Variants in DAAM1 observed in about 807,000 individuals in gnomAD.
DAAM1 encodes the protein disheveled-associated activator of morphogenesis 1.
In DAAM1, 52 loss-of-function variants were observed where a neutral mutation model predicts 130.0. That is an observed-to-expected ratio of 0.40 (90% CI 0.32 to 0.50). The LOEUF (loss-of-function observed/expected upper bound fraction) is 0.50, where lower values mean the gene tolerates loss of function less well. DAAM1 is among the 20% of genes least tolerant of loss of function. The probability of loss-of-function intolerance (pLI) is 0.61; values close to 1 mark genes in which losing one functional copy is unlikely to be tolerated. For synonymous variants in DAAM1, 452 were observed against 444.5 expected (o/e 1.02, Z -0.21); for missense variants, 1,134 against 1,303.8 (o/e 0.87, Z 2.01).
At chr14:59,242,365 T>TAAC (rs1167340700) in intron 1 of DAAM1, among the ~76,000 whole-genome samples, 9 of 152,044 alleles carry the variant, frequency 5.9e-5, no homozygotes, top group East Asian at 5.8e-4. Context: ...ATAATAATAG[T>TAAC]AACAACAACA....
intron 21 of DAAM1, 37 bp downstream of exon 21, chr14:59,359,541 C>T: frequency 6.5e-7 from 1 of 1,531,872 alleles, no homozygotes; most frequent in Non-Finnish European, 9.0e-7. Flanking sequence ...TCTTAAATCA[C>T]TTGGATTGTG....
At chr14:59,292,742 C>T in intron 3 of DAAM1, among the ~76,000 whole-genome samples, 1 of 152,174 alleles carries the variant, frequency 6.6e-6, no homozygotes, top group East Asian at 1.9e-4. Flanking sequence ...AGCCTTAACC[C>T]CTCAGTATGA....
chr14:59,352,420 C>T, intron 17 of DAAM1, 106 bp from the exon 18 acceptor site: 2 of 795,070 alleles, frequency 2.5e-6, no homozygotes, highest in South Asian at 1.8e-5. Context: ...ATACACTCAA[C>T]AAGAGTTAAC....
intron 1 of DAAM1, among the ~76,000 whole-genome samples, chr14:59,237,095 C>G (rs187353300): frequency 1.3e-5 from 2 of 152,172 alleles, no homozygotes; most frequent in Non-Finnish European, 2.9e-5. Context: ...TTGCACACCC[C>G]TAGCATAGAG....
At position 59,339,943 on chromosome 14, in the gene DAAM1, C is replaced by G; in HGVS notation, c.1969-131C>G. On this transcript the variant is annotated intron_variant, in intron 15 of 24. Coordinates refer to ENST00000360909, the MANE Select transcript of DAAM1 (RefSeq NM_001270520.2). The stretch of plus-strand genomic sequence containing the variant: ...ATTCCATCATTCTCCACACTTCCCA[C>G]CATTTCAGCCTTGCCCATGTGTATA... The G allele has an allele frequency of 5.0e-6, 3 of 597,534 alleles. No homozygotes were observed. In the Admixed American group the frequency reaches 8.8e-5, roughly 18 times the overall value. 37.0% of individuals were successfully genotyped at this position (597,534 alleles called of 1,614,324 possible).
intron 3 of DAAM1, chr14:59,299,659 A>G (rs1313400871): frequency 2.0e-5 from 3 of 152,292 alleles, no homozygotes; most frequent in African/African-American, 7.2e-5. Context: ...AGGAGGTTCT[A>G]TTATAGATAA....
chr14:59,205,356 A>G (rs1276148268), intron 1 of DAAM1, among the ~76,000 whole-genome samples: 1 of 152,232 alleles, frequency 6.6e-6, no homozygotes, highest in Non-Finnish European at 1.5e-5. Flanking sequence ...CCAGATTCCT[A>G]TTATTGAGAA....
chr14:59,236,989 A>G (rs1286496846), intron 1 of DAAM1, among the ~76,000 whole-genome samples: 1 of 152,206 alleles, frequency 6.6e-6, no homozygotes, highest in East Asian at 1.9e-4. Context: ...AGCCACAGAC[A>G]ATATGTAAAC....
chr14:59,257,363 G>A (rs1434868845), intron 1 of DAAM1, among the ~76,000 whole-genome samples: 1 of 147,390 alleles, frequency 6.8e-6, no homozygotes, highest in East Asian at 2.0e-4. Context: ...ACAGTCTAGT[G>A]GGGGAAATGG....
intron 2 of DAAM1, chr14:59,265,624 G>A (rs1201913177): frequency 6.6e-6 from 1 of 152,252 alleles, no homozygotes; most frequent in African/African-American, 2.4e-5. Context: ...AATTGAAGGT[G>A]AGAAGAAAAG....
intron 22 of DAAM1, among the ~76,000 whole-genome samples, chr14:59,361,891 T>G (rs549637396): frequency 6.6e-6 from 1 of 152,344 alleles, no homozygotes; most frequent in South Asian, 2.1e-4. Flanking sequence ...TCCCTTCTTT[T>G]CGTTTTTGAA....
chr14:59,353,463 G>A (rs1886362868), intron 18 of DAAM1, among the ~76,000 whole-genome samples: 1 of 152,240 alleles, frequency 6.6e-6, no homozygotes, highest in Non-Finnish European at 1.5e-5. Flanking sequence ...GAATTTGGGA[G>A]AAGTGTACGG....
chr14:59,258,371 A>G (rs760229991), intron 1 of DAAM1, among the ~76,000 whole-genome samples: 2 of 152,176 alleles, frequency 1.3e-5, no homozygotes, highest in Non-Finnish European at 2.9e-5. Context: ...GGGCCAGTGC[A>G]GAGACCTCTT....
Position 59,369,809 on chromosome 14 carries a change from T to G in DAAM1, c.*950T>G, listed in dbSNP as rs1038163106. On this transcript the variant is annotated 3_prime_UTR_variant, in exon 25 of 25. Coordinates refer to ENST00000360909, the MANE Select transcript of DAAM1 (RefSeq NM_001270520.2). ...GGGTGCCTTTTTGTTATAGTTTCTATTTTCTGTTTTGTAGGACAAGCTGCA... is the reference window on the plus strand; with the variant it reads ...GGGTGCCTTTTTGTTATAGTTTCTAGTTTCTGTTTTGTAGGACAAGCTGCA... 2 of 150,776 alleles carry G rather than the reference T, an allele frequency of 1.3e-5. No individual in the cohort carries two copies. The highest frequency in any genetic ancestry group is 4.9e-5 in the African/African-American group (2 of 41,172). 9.3% of individuals were successfully genotyped at this position (150,776 alleles called of 1,614,324 possible).
intron 2 of DAAM1, among the ~76,000 whole-genome samples, chr14:59,282,462 T>C (rs962717838): frequency 6.6e-6 from 1 of 151,946 alleles, no homozygotes; most frequent in Non-Finnish European, 1.5e-5. Context: ...CAAGGTTACG[T>C]AAGCCATAAA....
chr14:59,353,997 T>A, intron 19 of DAAM1, 33 bp downstream of exon 19: 1 of 1,583,926 alleles, frequency 6.3e-7, no homozygotes, highest in Non-Finnish European at 8.7e-7. Context: ...GGAAATGATG[T>A]TCATCATTAC....
At chr14:59,364,331 T>G (rs1184460428) in intron 23 of DAAM1, among the ~76,000 whole-genome samples, 1 of 150,146 alleles carries the variant, frequency 6.7e-6, no homozygotes, top group Non-Finnish European at 1.5e-5. Flanking sequence ...TACAAGAGGT[T>G]TTTTTTTTTT....
At chr14:59,265,436 AC>A (rs1882389897) in intron 2 of DAAM1, 1 of 152,232 alleles carries the variant, frequency 6.6e-6, no homozygotes, top group African/African-American at 2.4e-5. Context: ...GAAAGCCAGA[AC>A]CTGCCCCCCA....
At position 59,304,265 on chromosome 14, in the gene DAAM1, C is replaced by G. The variant is rs1368419893; in HGVS notation, c.274-11015C>G. ...AAAAAACACGTTTCCTGTGTCTTTC[C>G]TATATATATTTTTTCACTAATAGCT... On this transcript the variant is annotated intron_variant, in intron 3 of 24. Transcript: ENST00000360909. Among the ~76,000 whole-genome samples, 5 of 152,158 alleles carry G rather than the reference C, an allele frequency of 3.3e-5. No homozygotes were observed. The East Asian group carries it at 9.6e-4, about 29-fold the overall frequency.
Sources: allele counts gnomAD v4.1 joint callset (sites outside exome capture counted in the v4.1 genomes callset), GRCh38; gene constraint gnomAD v4.1.1; transcripts MANE v1.5; gene names NCBI Gene and HGNC (gene_info 2026-07-23, HGNC 2026-07-21).